STAC: variants seen among roughly 807,000 people sequenced by gnomAD.
STAC encodes the protein SH3 and cysteine-rich domain-containing protein.
Under a neutral mutation model 48.8 loss-of-function variants are expected in STAC, and 43 were observed. The observed-to-expected ratio is 0.88, with a 90% CI of 0.69 to 1.14. The LOEUF (loss-of-function observed/expected upper bound fraction) is 1.14. STAC is among the 50% of genes most tolerant of loss of function. The pLI is 0.00. For missense variants in STAC, 497 were observed against 504.0 expected, an observed-to-expected ratio of 0.99 and a Z score of 0.13; for synonymous variants, 193 against 179.5, an observed-to-expected ratio of 1.07 and a Z score of -0.60.
intron 2 of STAC, among the ~76,000 whole-genome samples, chr3:36,453,463 C>T (rs879779909): frequency 6.6e-6 from 1 of 152,202 alleles, no homozygotes; most frequent in Non-Finnish European, 1.5e-5. Context: ...CCACCGGCCC[C>T]GGGCAGTGAG....
chr3:36,409,549 T>A (rs895995509), intron 1 of STAC: 2 of 152,196 alleles, frequency 1.3e-5, no homozygotes, highest in South Asian at 2.1e-4. Context: ...GAAAACCAAA[T>A]GAACTCTTGA....
intron 10 of STAC, among the ~76,000 whole-genome samples, chr3:36,545,466 C>T (rs1699424137): frequency 6.6e-6 from 1 of 152,164 alleles, no homozygotes; most frequent in Admixed American, 6.5e-5. Context: ...GGGAATCCAA[C>T]CTAAGACAAG....
intron 5 of STAC, among the ~76,000 whole-genome samples, chr3:36,492,350 G>A (rs183722611): frequency 6.6e-6 from 1 of 152,184 alleles, no homozygotes; most frequent in African/African-American, 2.4e-5. Context: ...CAATGCTTAA[G>A]AGCACGAGCT....
At chr3:36,537,846 C>CA (rs891703767) in intron 10 of STAC, among the ~76,000 whole-genome samples, 2 of 151,540 alleles carry the variant, frequency 1.3e-5, no homozygotes, top group African/African-American at 4.8e-5. Flanking sequence ...GTTGACCAAA[C>CA]ATTAATTAAA....
At chr3:36,477,461 T>C (rs894974697) in intron 2 of STAC, among the ~76,000 whole-genome samples, 9 of 152,110 alleles carry the variant, frequency 5.9e-5, no homozygotes, top group African/African-American at 1.7e-4. Flanking sequence ...TACAGATATA[T>C]GTAATTAATT....
At position 36,486,201 on chromosome 3, in the gene STAC, AAAG is replaced by A; in HGVS notation, c.643_645del (p.Lys215del). On this transcript the variant is annotated inframe_deletion, in exon 5 of 11. Coordinates refer to ENST00000273183, the MANE Select transcript of STAC (RefSeq NM_003149.3). ...TCGGCACCTCCCTGGCCCAGAGGAC[AAAG>A]AAGGGCAGCTCCGGCAGTGGCTCTG... is the stretch of plus-strand genomic sequence containing the variant. 1 of 1,613,994 alleles carries A rather than the reference AAAG, an allele frequency of 6.2e-7. No homozygotes were observed. The highest frequency in any genetic ancestry group is 2.2e-5 in the East Asian group (1 of 44,880).
chr3:36,387,765 T>A (rs1416437121), intron 1 of STAC, among the ~76,000 whole-genome samples: 2 of 152,144 alleles, frequency 1.3e-5, no homozygotes, highest in African/African-American at 2.4e-5. Context: ...TTTCTACCTT[T>A]TAGCTACTCT....
chr3:36,422,597 AT>A (rs1700474981), intron 1 of STAC, among the ~76,000 whole-genome samples: 2 of 152,300 alleles, frequency 1.3e-5, no homozygotes, highest in African/African-American at 4.8e-5. Context: ...GTATATAAAA[AT>A]ATCTATAACC....
intron 2 of STAC, among the ~76,000 whole-genome samples, chr3:36,459,677 G>A (rs949442619): frequency 1.3e-5 from 2 of 152,064 alleles, no homozygotes; most frequent in East Asian, 1.9e-4. Context: ...AAGACTTCTC[G>A]GCCAGTTTAT....
At chr3:36,535,801 C>A (rs1699183686) in intron 10 of STAC, among the ~76,000 whole-genome samples, 1 of 152,216 alleles carries the variant, frequency 6.6e-6, no homozygotes, top group Non-Finnish European at 1.5e-5. Flanking sequence ...ACCAGCCTTG[C>A]ATCCCAAGAA....
At chr3:36,544,421 C>T (rs771406010) in intron 10 of STAC, among the ~76,000 whole-genome samples, 1 of 152,132 alleles carries the variant, frequency 6.6e-6, no homozygotes, top group African/African-American at 2.4e-5. Flanking sequence ...CCACCCATCT[C>T]GGCCTCCCAA....
chr3:36,481,311 A>G (rs1476831128), intron 2 of STAC, among the ~76,000 whole-genome samples: 3 of 152,344 alleles, frequency 2.0e-5, no homozygotes, highest in South Asian at 2.1e-4. Flanking sequence ...TACATCAGAA[A>G]GGCAGAGAGA....
intron 3 of STAC, among the ~76,000 whole-genome samples, chr3:36,484,412 C>T (rs1697743420): frequency 6.6e-6 from 1 of 152,198 alleles, no homozygotes; most frequent in African/African-American, 2.4e-5. Context: ...TCTGCCTCCC[C>T]TGCTTCCCCT....
chr3:36,504,428 A>G lies in STAC; in HGVS notation c.802A>G (p.Arg268Gly). ...TYPENGTDDF[R>G]DPAKNINHQG... ...TCCAGAAAATGGCACTGATGATTTC[A>G]GAGATCCAGCGAAGAACATAAACCA... Residue 268 changes from arginine (R) to glycine (G), a missense_variant, in exon 7 of 11, where the codon AGA becomes GGA. Arg to Gly is a moderately radical substitution (Grantham distance 125). Coordinates refer to ENST00000273183, the MANE Select transcript of STAC (RefSeq NM_003149.3). 1 of 1,613,634 alleles carries G rather than the reference A, an allele frequency of 6.2e-7. No homozygotes were observed. The highest frequency in any genetic ancestry group is 1.1e-5 in the South Asian group (1 of 91,068).
intron 1 of STAC, among the ~76,000 whole-genome samples, chr3:36,416,503 T>C (rs955659128): frequency 6.6e-6 from 1 of 152,176 alleles, no homozygotes; most frequent in African/African-American, 2.4e-5. Flanking sequence ...ATATACACTT[T>C]AATAAAACAT....
At chr3:36,470,783 C>G (rs1485399540) in intron 2 of STAC, among the ~76,000 whole-genome samples, 1 of 152,196 alleles carries the variant, frequency 6.6e-6, no homozygotes, top group African/African-American at 2.4e-5. Flanking sequence ...TCAAAATCTC[C>G]CATTTTAAAT....
intron 2 of STAC, among the ~76,000 whole-genome samples, chr3:36,460,441 A>G (rs73067810): frequency 0.14 from 20,611 of 152,024 alleles, 1,589 homozygotes; most frequent in African/African-American, 0.21. Flanking sequence ...GGGAAACACT[A>G]ACACACAAAA....
intron 2 of STAC, among the ~76,000 whole-genome samples, chr3:36,465,780 A>T (rs1488858083): frequency 6.6e-6 from 1 of 152,148 alleles, no homozygotes; most frequent in Admixed American, 6.5e-5. Flanking sequence ...TGGGAGAAAG[A>T]GGTAGGCTGG....
chr3:36,466,937 G>A (rs550953666), intron 2 of STAC, among the ~76,000 whole-genome samples: 2 of 151,704 alleles, frequency 1.3e-5, no homozygotes, highest in Non-Finnish European at 2.9e-5. Context: ...TTCTCGGGGG[G>A]AATGCTTTCA....
Sources: gnomAD v4.1 joint callset for allele counts (sites outside exome capture counted in the v4.1 genomes callset) on GRCh38, gnomAD v4.1.1 for gene constraint, MANE v1.5 for transcripts, NCBI Gene and HGNC (gene_info 2026-07-23, HGNC 2026-07-21) for gene names.